MRPL42: variants seen among roughly 807,000 people sequenced by gnomAD.
MRPL42 encodes the protein mitochondrial ribosomal protein L42.
MRPL42 carries 17 observed loss-of-function variants against 17.9 expected under a neutral mutation model. The observed-to-expected ratio is 0.95, with a 90% CI of 0.65 to 1.42. The LOEUF (loss-of-function observed/expected upper bound fraction) is 1.42. Ranked by LOEUF, MRPL42 falls within the 40% of genes most tolerant of loss-of-function variation. MRPL42 has a pLI of 0.00. For missense variants in MRPL42, 177 were observed against 175.2 expected, an observed-to-expected ratio of 1.01 and a Z score of -0.06; for synonymous variants, 59 against 54.4, an observed-to-expected ratio of 1.08 and a Z score of -0.37.
intron 5 of MRPL42, among the ~76,000 whole-genome samples, chr12:93,498,187 G>GA (rs1953540577): frequency 7.0e-4 from 1 of 1,420 alleles, no homozygotes; most frequent in Admixed American, 6.2e-3. Context: ...CTTGTTTTGT[G>GA]TACTACAGAA....
chr12:93,467,800 T>C (rs1175596477), intron 1 of MRPL42, among the ~76,000 whole-genome samples: 3 of 152,196 alleles, frequency 2.0e-5, no homozygotes, highest in Non-Finnish European at 2.9e-5. Flanking sequence ...TAGGGACTCC[T>C]TTAGGTCGAA....
rs1321597784 is a variant in MRPL42, at chr12:93,509,486, TGC to T, written c.*8266_*8267del. ...TTCTTAGCACTTAAAAAAGACTTTT[TGC>T]CAGGCACAGTGGCACATGCCTGTAG... On this transcript the variant is annotated 3_prime_UTR_variant, in exon 6 of 6. Coordinates refer to ENST00000549982, the MANE Select transcript of MRPL42 (RefSeq NM_014050.4). The T allele has an allele frequency of 2.0e-5, 3 of 151,882 alleles. No homozygotes were observed. Among genetic ancestry groups the T allele is most frequent in the Non-Finnish European group, 1.5e-5 (1 of 67,898 alleles). The allele number at this position is 151,882 out of a possible 1,614,324, so 9.4% of individuals were successfully genotyped here. A position where few individuals can be genotyped will look rare whatever the true frequency, so the allele number is the denominator to read the frequency against.
intron 5 of MRPL42, 163 bp downstream of exon 5, chr12:93,487,823 A>T (rs774773790): frequency 1.7e-6 from 1 of 585,594 alleles, no homozygotes; most frequent in Non-Finnish European, 2.8e-6. Context: ...CTGAGACAGG[A>T]TCTCGCTCTG....
chr12:93,487,732 C>G, intron 5 of MRPL42, 72 bp downstream of exon 5: 1 of 1,341,362 alleles, frequency 7.5e-7, no homozygotes, highest in Non-Finnish European at 1.0e-6. Context: ...CTTGCAATAA[C>G]AAACTTCTGA....
At chr12:93,472,768 C>T (rs1879971643) in intron 2 of MRPL42, among the ~76,000 whole-genome samples, 2 of 152,262 alleles carry the variant, frequency 1.3e-5, no homozygotes, top group East Asian at 1.9e-4. Context: ...GGTCAGTCAG[C>T]CCGGGAGTGT....
chr12:93,468,769 C>G (rs1879762394), intron 1 of MRPL42, among the ~76,000 whole-genome samples: 1 of 152,054 alleles, frequency 6.6e-6, no homozygotes, highest in African/African-American at 2.4e-5. Context: ...ACAACTATTT[C>G]ATTTAATCAG....
In MRPL42 at chr12:93,487,658, A is replaced by G. The variant is rs772741060; in HGVS notation, c.381A>G (p.Gly127=). Residue 127 remains glycine (G), a splice_region_variant and synonymous_variant, in exon 5 of 6, where the codon GGA becomes GGG. Coordinates refer to ENST00000549982, the MANE Select transcript of MRPL42 (RefSeq NM_014050.4). ...CTAAGCACCGTTGGTATCCTCATGG[A>G]CGGTAAGTTTTCTTTTCTTTTCTTC... ...FTTKHRWYPH[G]RYHRCRKNLN... 14 of 1,600,550 alleles carry G rather than the reference A, an allele frequency of 8.7e-6. No individual in the cohort carries two copies. In the Admixed American group the frequency reaches 2.1e-4, roughly 24 times the overall value.
intron 4 of MRPL42, among the ~76,000 whole-genome samples, chr12:93,485,773 G>C (rs1261160598): frequency 6.6e-6 from 1 of 151,866 alleles, no homozygotes; most frequent in African/African-American, 2.4e-5. Context: ...TAAAATATAG[G>C]TAACTTGACC....
At chr12:93,468,579 A>G (rs769694306) in intron 1 of MRPL42, among the ~76,000 whole-genome samples, 27 of 152,264 alleles carry the variant, frequency 1.8e-4, no homozygotes, top group South Asian at 4.1e-4. Context: ...ATACGAGAGC[A>G]AAATGAAATG....
At chr12:93,496,680 A>G (rs1024113194) in intron 5 of MRPL42, among the ~76,000 whole-genome samples, 3 of 150,164 alleles carry the variant, frequency 2.0e-5, no homozygotes, top group African/African-American at 4.9e-5. Context: ...AGCTCCAACT[A>G]TATGCTGCCT....
intron 4 of MRPL42, among the ~76,000 whole-genome samples, chr12:93,486,141 C>T (rs1880732189): frequency 6.6e-6 from 1 of 151,776 alleles, no homozygotes; most frequent in Non-Finnish European, 1.5e-5. Context: ...GACACTGATT[C>T]TTAAAGTCTT....
rs1027086806 is a variant in MRPL42, at chr12:93,503,721, G to A, written c.*2500G>A. 3.3e-5 allele frequency: 5 copies of A among 150,988 alleles called. No homozygotes were observed. Among genetic ancestry groups the A allele is most frequent in the Non-Finnish European group, 7.4e-5 (5 of 67,832 alleles). 9.4% of individuals were successfully genotyped at this position (150,988 alleles called of 1,614,324 possible). A position where few individuals can be genotyped will look rare whatever the true frequency, so the allele number is the denominator to read the frequency against. ...TTTAAGATAATATTGTTAACATTTTGTATTTCTCTGCATAAATATATTTCA... is the reference window on the plus strand; with the variant it reads ...TTTAAGATAATATTGTTAACATTTTATATTTCTCTGCATAAATATATTTCA... On this transcript the variant is annotated 3_prime_UTR_variant, in exon 6 of 6. Transcript: ENST00000549982.
Position 93,504,355 on chromosome 12 carries a change from G to A in MRPL42, c.*3134G>A, listed in dbSNP as rs1953642484. The A allele has an allele frequency of 1.3e-5, 2 of 152,304 alleles. No homozygotes were observed. The highest frequency in any genetic ancestry group is 4.1e-4 in the South Asian group (2 of 4,826). 9.4% of individuals were successfully genotyped at this position (152,304 alleles called of 1,614,324 possible). On this transcript the variant is annotated 3_prime_UTR_variant, in exon 6 of 6. Coordinates refer to ENST00000549982, the MANE Select transcript of MRPL42 (RefSeq NM_014050.4). ...AGGGTTTCACCATGTTGGTCAGGCT[G>A]GTCTCGAACTCCTGACCTCAAGTGT...
intron 5 of MRPL42, among the ~76,000 whole-genome samples, chr12:93,493,840 C>A (rs1231696680): frequency 0.049 from 87 of 1,780 alleles, no homozygotes; most frequent in Non-Finnish European, 0.067. Context: ...GTACACAAAA[C>A]AAGATAAAAA....
intron 5 of MRPL42, among the ~76,000 whole-genome samples, chr12:93,494,105 TGAGAGCA>T (rs1230692348): frequency 6.8e-6 from 1 of 147,666 alleles, no homozygotes; most frequent in Non-Finnish European, 1.5e-5. Context: ...CAGTAGGGCA[TGAGAGCA>T]GAGAGGTAAT....
chr12:93,495,725 A>G (rs1953488372), intron 5 of MRPL42, among the ~76,000 whole-genome samples: 1 of 152,196 alleles, frequency 6.6e-6, no homozygotes, highest in Non-Finnish European at 1.5e-5. Flanking sequence ...ACACTTCTGG[A>G]TCATTAAGGA....
intron 4 of MRPL42, among the ~76,000 whole-genome samples, chr12:93,484,996 A>G (rs1880656079): frequency 1.5e-5 from 1 of 67,086 alleles, no homozygotes; most frequent in Non-Finnish European, 2.6e-5. Flanking sequence ...ATATATATAT[A>G]TATATATATA....
In MRPL42 at chr12:93,505,886, TAGA is replaced by T. The variant is rs1953663803; in HGVS notation, c.*4667_*4669del. ...CACAATTACATGTGAGAATAGCAAG[TAGA>T]ACCTTATGATTACTTCTGAGTCTTT... On this transcript the variant is annotated 3_prime_UTR_variant, in exon 6 of 6. Coordinates refer to ENST00000549982, the MANE Select transcript of MRPL42 (RefSeq NM_014050.4). 1 of 152,586 alleles carries T rather than the reference TAGA, an allele frequency of 6.6e-6. No individual in the cohort carries two copies. The highest frequency in any genetic ancestry group is 1.5e-5 in the Non-Finnish European group (1 of 68,704). The allele number at this position is 152,586 out of a possible 1,614,324, so 9.5% of individuals were successfully genotyped here.
At chr12:93,469,925 C>G (rs938362132) in intron 2 of MRPL42, among the ~76,000 whole-genome samples, 4 of 151,502 alleles carry the variant, frequency 2.6e-5, no homozygotes, top group African/African-American at 9.7e-5. Context: ...AGGGACTGGT[C>G]AAGGGTAACT....
Sources: allele counts gnomAD v4.1 joint callset (sites outside exome capture counted in the v4.1 genomes callset), GRCh38; gene constraint gnomAD v4.1.1; transcripts MANE v1.5; gene names NCBI Gene and HGNC (gene_info 2026-07-23, HGNC 2026-07-21).